RNF213: variants seen among roughly 807,000 people sequenced by gnomAD.
RNF213 encodes the protein ring finger protein 213.
In RNF213, 341 loss-of-function variants were observed where a neutral mutation model predicts 514.4. The ratio of observed to expected loss-of-function variants is 0.66; its 90% CI spans 0.61 to 0.73. The LOEUF is 0.73. Ranked by LOEUF, RNF213 falls within the 30% of genes least tolerant of loss-of-function variation. The pLI, the probability that RNF213 is intolerant of heterozygous loss-of-function variation, is 0.00. For synonymous variants in RNF213, 2,655 were observed against 2,658.2 expected (o/e 1.00, Z 0.04); for missense variants, 5,767 against 6,615.6 (o/e 0.87, Z 4.45).
chr17:80,329,880 C>T (rs1568079681), intron 20 of RNF213, among the ~76,000 whole-genome samples: 1 of 152,122 alleles, frequency 6.6e-6, no homozygotes, highest in Non-Finnish European at 1.5e-5. Flanking sequence ...ATAGGTAGGT[C>T]TTTCAACTCT....
chr17:80,382,813 TTGG>T (rs1487930085), intron 57 of RNF213, 163 bp from the exon 58 acceptor site: 9 of 612,556 alleles, frequency 1.5e-5, no homozygotes, highest in African/African-American at 5.6e-5. Flanking sequence ...GGTCATTAAG[TTGG>T]TGGTAACAAC....
intron 67 of RNF213, among the ~76,000 whole-genome samples, chr17:80,390,685 A>T (rs1268945229): frequency 6.7e-6 from 1 of 149,764 alleles, no homozygotes; most frequent in East Asian, 2.0e-4. Flanking sequence ...GGCGTGAGCC[A>T]CTACACCCAG....
chr17:80,363,444 C>A, intron 40 of RNF213, 130 bp downstream of exon 40: 1 of 1,211,720 alleles, frequency 8.3e-7, no homozygotes, highest in Non-Finnish European at 1.2e-6. Flanking sequence ...TAGCTGAATT[C>A]AGAGATGTTA....
In RNF213 at chr17:80,347,828, C is replaced by T. The variant is rs766990937; in HGVS notation, c.9493C>T (p.Leu3165Phe). The T allele has an allele frequency of 6.2e-6, 10 of 1,614,060 alleles. No individual in the cohort carries two copies. Among genetic ancestry groups the T allele is most frequent in the South Asian group, 2.2e-5 (2 of 91,084 alleles). ...DVVYKHFPIP[L>F]INRLEKHYLD... ...CGTGTACAAACACTTTCCCATCCCC[C>T]TCATTAACCGGCTGGAGAAGCACTA... Residue 3165 changes from leucine (L) to phenylalanine (F), a missense_variant, in exon 29 of 68, where the codon CTC becomes TTC. Leu to Phe is a conservative substitution (Grantham distance 22). Coordinates refer to ENST00000582970, the MANE Select transcript of RNF213 (RefSeq NM_001256071.3). The surrounding 1 kb of genome is among the most constrained non-coding windows in gnomAD (Gnocchi z 7.2).
chr17:80,274,089 C>A (rs1434376419), intron 3 of RNF213, among the ~76,000 whole-genome samples: 1 of 152,044 alleles, frequency 6.6e-6, no homozygotes, highest in Non-Finnish European at 1.5e-5. Context: ...GGGCAGGGAC[C>A]TGAGCGTCCG....
chr17:80,377,031 C>G lies in RNF213; in HGVS notation c.13510+68C>G. 1 of 1,279,720 alleles carries G rather than the reference C, an allele frequency of 7.8e-7. No individual in the cohort carries two copies. The highest frequency in any genetic ancestry group is 1.5e-5 in the African/African-American group (1 of 68,470). The allele number at this position is 1,279,720 out of a possible 1,614,324, so 79.3% of individuals were successfully genotyped here. ...CAAAGGGTGTCCAGATGCTATGAAGCATTGGGTTCGACTTGGGGTCCACGT... is the reference window on the plus strand; with the variant it reads ...CAAAGGGTGTCCAGATGCTATGAAGGATTGGGTTCGACTTGGGGTCCACGT... On this transcript the variant is annotated intron_variant, in intron 53 of 67. Coordinates refer to ENST00000582970, the MANE Select transcript of RNF213 (RefSeq NM_001256071.3). The surrounding 1 kb of genome is among the most constrained non-coding windows in gnomAD (Gnocchi z 4.1).
intron 3 of RNF213, among the ~76,000 whole-genome samples, chr17:80,287,232 G>A (rs116010947): frequency 0.01 from 1,570 of 152,076 alleles, 30 homozygotes; most frequent in African/African-American, 0.036. Context: ...ATGGTGGTTC[G>A]CGCCTGTAAT....
chr17:80,369,406 A>AG (rs1355339260), intron 44 of RNF213, 96 bp from the exon 45 acceptor site: 32 of 1,292,984 alleles, frequency 2.5e-5, no homozygotes, highest in Non-Finnish European at 3.4e-5. Context: ...CTCAAAAAAA[A>AG]AAAAAAAAGT....
At position 80,288,375 on chromosome 17, in the gene RNF213, G is replaced by A. The variant is rs1330685048; in HGVS notation, c.810+12G>A. The A allele has an allele frequency of 5.0e-6, 8 of 1,611,280 alleles. No homozygotes were observed. The highest frequency in any genetic ancestry group is 1.3e-5 in the African/African-American group (1 of 74,892). On this transcript the variant is annotated intron_variant, in intron 4 of 67. Coordinates refer to ENST00000582970, the MANE Select transcript of RNF213 (RefSeq NM_001256071.3). The surrounding 1 kb of genome is among the most constrained non-coding windows in gnomAD (Gnocchi z 4.9). ...CCTCAGCCTCTATGGTGAGTCATCC[G>A]GGAGAGATGGCCTGGGAGTGGCACT...
intron 11 of RNF213, among the ~76,000 whole-genome samples, chr17:80,304,970 C>G (rs1344202998): frequency 6.6e-6 from 1 of 152,172 alleles, no homozygotes; most frequent in African/African-American, 2.4e-5. Flanking sequence ...AGGATTTGTC[C>G]TTTTGTGTCT....
At position 80,354,158 on chromosome 17, in the gene RNF213, C is replaced by T. The variant is rs778151667; in HGVS notation, c.10718C>T (p.Ala3573Val). 6.9e-5 allele frequency: 111 copies of T among 1,613,658 alleles called. No homozygotes were observed. The highest frequency in any genetic ancestry group is 1.5e-4 in the African/African-American group (11 of 74,940). The change falls in exon 35 of 68, where the codon GCG becomes GTG. Residue 3573 changes from alanine (A) to valine (V), a missense_variant. Ala to Val is a moderately conservative substitution (Grantham distance 64, BLOSUM62 0). Around this residue, in one of 13 missense-constraint regions of RNF213, gnomAD observed 919 missense variants for 1,121.0 expected, o/e 0.82. Coordinates refer to ENST00000582970, the MANE Select transcript of RNF213 (RefSeq NM_001256071.3). ...LLLGLLNEDD[A>V]CHASFLRVSK... ...CTGGGCCTCTTGAATGAGGATGACG[C>T]GTGCCACGGTATGAGCCTCCCCACC...
At position 80,386,682 on chromosome 17, in the gene RNF213, C is replaced by T. The variant is rs773151981; in HGVS notation, c.14721-8C>T. ...CTGGACGCTGAGCGCTGTCTTTCTG[C>T]CCCTCAGCTATTCCGTGGATGCCGC... On this transcript the variant is annotated splice_polypyrimidine_tract_variant and splice_region_variant and intron_variant, in intron 62 of 67. Transcript: ENST00000582970. The T allele has an allele frequency of 4.2e-5, 67 of 1,613,840 alleles. No homozygotes were observed. The highest frequency in any genetic ancestry group is 4.2e-5 in the Non-Finnish European group (49 of 1,179,808).
intron 32 of RNF213, 108 bp from the exon 33 acceptor site, chr17:80,352,832 T>C (rs910870963): frequency 4.5e-6 from 7 of 1,546,980 alleles, no homozygotes; most frequent in African/African-American, 1.4e-5. Context: ...CAGTCATTCA[T>C]TGCGCAGCAA....
chr17:80,333,589 G>A (rs1319297743), intron 21 of RNF213, among the ~76,000 whole-genome samples: 1 of 151,554 alleles, frequency 6.6e-6, no homozygotes, highest in Non-Finnish European at 1.5e-5. Flanking sequence ...AGCTACTAGA[G>A]AGGCTGAGGC....
intron 58 of RNF213, among the ~76,000 whole-genome samples, chr17:80,383,308 A>C (rs984651544): frequency 3.9e-4 from 60 of 152,346 alleles, no homozygotes; most frequent in African/African-American, 1.4e-3. Flanking sequence ...GGAATCCAGC[A>C]AGTGCAGGCA....
At chr17:80,318,721 C>A (rs2046031461) in intron 16 of RNF213, among the ~76,000 whole-genome samples, 1 of 152,094 alleles carries the variant, frequency 6.6e-6, no homozygotes, top group Admixed American at 6.6e-5. Context: ...CTACAGGCGC[C>A]CGCCACCGCG....
At chr17:80,322,393 G>A (rs1011859411) in intron 17 of RNF213, among the ~76,000 whole-genome samples, 4 of 151,854 alleles carry the variant, frequency 2.6e-5, no homozygotes, top group Admixed American at 6.6e-5. Context: ...TGGCTAACAC[G>A]GTGACACCCT....
rs1051628590 is a variant in RNF213, at chr17:80,354,094, G to A, written c.10654G>A (p.Glu3552Lys). The change falls in exon 35 of 68, where the codon GAG (glutamate) becomes AAG (lysine). Residue 3552 changes from glutamate to lysine, a missense_variant. Coordinates refer to ENST00000582970, the MANE Select transcript of RNF213 (RefSeq NM_001256071.3). ...SAVGMLRDQNESCTRNMRRVV... is the reference protein window; with the variant it reads ...SAVGMLRDQNKSCTRNMRRVV... ...CGTGGGCATGCTCAGAGACCAGAAC[G>A]AGAGCTGCACGCGCAATATGCGGAG... The A allele has an allele frequency of 4.3e-6, 7 of 1,614,072 alleles. No homozygotes were observed. The highest frequency in any genetic ancestry group is 2.2e-5 in the East Asian group (1 of 44,878).
At chr17:80,336,648 G>T in intron 23 of RNF213, 1 of 459,508 alleles carries the variant, frequency 2.2e-6, no homozygotes, top group South Asian at 2.0e-5. Context: ...CTGAAACGTT[G>T]CCAGGAGTTT....
Sources: allele counts gnomAD v4.1 joint callset (sites outside exome capture counted in the v4.1 genomes callset), GRCh38; gene constraint gnomAD v4.1.1; regional missense constraint gnomAD v4.1.1; non-coding constraint Gnocchi (gnomAD v3.1); transcripts MANE v1.5; gene names NCBI Gene and HGNC (gene_info 2026-07-23, HGNC 2026-07-21).